Variants in SLC2A9 observed in about 807,000 individuals in gnomAD.
SLC2A9 encodes the protein solute carrier family 2, facilitated glucose transporter member 9.
Under a neutral mutation model 50.6 loss-of-function variants are expected in SLC2A9, and 39 were observed. The observed-to-expected ratio is 0.77, with a 90% CI of 0.60 to 1.01. SLC2A9 has a LOEUF of 1.01. Among genes scored for constraint, SLC2A9 ranks in the 50% least tolerant of loss-of-function variants. The pLI, the probability that SLC2A9 is intolerant of heterozygous loss-of-function variation, is 0.00. For missense variants in SLC2A9, 686 were observed against 677.6 expected (o/e 1.01, Z -0.14); for synonymous variants, 324 against 276.9 (o/e 1.17, Z -1.69).
At chr4:9,917,399 C>A (rs1743073267) in intron 7 of SLC2A9, among the ~76,000 whole-genome samples, 1 of 116,628 alleles carries the variant, frequency 8.6e-6, no homozygotes, top group Non-Finnish European at 1.6e-5. Context: ...GTGGTGCGAT[C>A]TTGGCTCACT....
At chr4:9,835,772 G>A (rs1051190214) in intron 10 of SLC2A9, among the ~76,000 whole-genome samples, 11 of 152,228 alleles carry the variant, frequency 7.2e-5, no homozygotes, top group South Asian at 6.2e-4. Context: ...GCTAAGCTAC[G>A]AGGATGCAAA....
At chr4:9,917,646 T>C (rs1239913060) in intron 7 of SLC2A9, among the ~76,000 whole-genome samples, 1 of 152,162 alleles carries the variant, frequency 6.6e-6, no homozygotes, top group Non-Finnish European at 1.5e-5. Context: ...TTGAGTGACT[T>C]CTAAAGTACG....
chr4:9,906,906 C>A (rs1356545374), intron 8 of SLC2A9, among the ~76,000 whole-genome samples: 1 of 152,332 alleles, frequency 6.6e-6, no homozygotes, highest in East Asian at 1.9e-4. Flanking sequence ...AAAAAGACCA[C>A]AAAGTGGAAA....
intron 8 of SLC2A9, among the ~76,000 whole-genome samples, chr4:9,902,952 G>C (rs1440195915): frequency 6.6e-6 from 1 of 152,164 alleles, no homozygotes; most frequent in African/African-American, 2.4e-5. Flanking sequence ...GTGAATTACA[G>C]TATGATTCCC....
intron 3 of SLC2A9, among the ~76,000 whole-genome samples, chr4:9,793,676 CT>C (rs1317721452): frequency 6.6e-6 from 1 of 152,110 alleles, no homozygotes; most frequent in Non-Finnish European, 1.5e-5. Flanking sequence ...TTTCAAAGGC[CT>C]GTTTTTTGTT....
chr4:9,954,152 G>A (rs4306953), intron 5 of SLC2A9, among the ~76,000 whole-genome samples: 73,280 of 151,872 alleles, frequency 0.48, 19,044 homozygotes, highest in African/African-American at 0.67. Context: ...TGCCCAGGCC[G>A]GTCTCAAACT....
Position 9,814,055 on chromosome 4 carries a change from G to A in SLC2A9, n.420+12365C>T, listed in dbSNP as rs544281403. On this transcript the variant is annotated intron_variant and non_coding_transcript_variant, in intron 3 of 3. Transcript: ENST00000503280. ...CTTGGGAGGCTGAGGCAGGAGAATC[G>A]CTTGAACCTGAGAGGCGGAGGTTGC... Among the ~76,000 whole-genome samples the A allele has an allele frequency of 6.6e-5, 10 of 152,290 alleles. No individual in the cohort carries two copies. In the South Asian group the frequency reaches 1.7e-3, roughly 25 times the overall value.
intron 4 of SLC2A9, among the ~76,000 whole-genome samples, chr4:9,982,683 C>T (rs540371233): frequency 1.3e-5 from 2 of 152,328 alleles, no homozygotes; most frequent in South Asian, 4.1e-4. Flanking sequence ...ACTGCAACCT[C>T]ATCCAGGCTT....
At chr4:9,881,130 G>A (rs1040305965) in intron 10 of SLC2A9, among the ~76,000 whole-genome samples, 4 of 152,174 alleles carry the variant, frequency 2.6e-5, no homozygotes, top group Non-Finnish European at 4.4e-5. Context: ...GTTTGCTTTG[G>A]TTTTCTTTCT....
chr4:9,888,641 T>C (rs1420822000), intron 9 of SLC2A9, among the ~76,000 whole-genome samples: 1 of 151,776 alleles, frequency 6.6e-6, no homozygotes, highest in East Asian at 1.9e-4. Flanking sequence ...CTCTGTAGGC[T>C]GAGCCAGAGT....
intron 5 of SLC2A9, among the ~76,000 whole-genome samples, chr4:9,951,995 C>T (rs974804957): frequency 6.6e-6 from 1 of 152,212 alleles, no homozygotes; most frequent in African/African-American, 2.4e-5. Context: ...CATAAGACTC[C>T]CAATGCCACA....
chr4:9,830,617 A>T (rs1421476271), intron 11 of SLC2A9, among the ~76,000 whole-genome samples: 1 of 152,218 alleles, frequency 6.6e-6, no homozygotes, highest in African/African-American at 2.4e-5. Context: ...AATATTCTTC[A>T]GGTTGAAAAG....
chr4:9,962,168 A>G (rs1752365900), intron 5 of SLC2A9, among the ~76,000 whole-genome samples: 1 of 152,246 alleles, frequency 6.6e-6, no homozygotes, highest in African/African-American at 2.4e-5. Context: ...GCAATTCCTC[A>G]AAGACCTAGA....
chr4:9,867,050 C>T (rs767195364), intron 10 of SLC2A9, among the ~76,000 whole-genome samples: 6 of 152,182 alleles, frequency 3.9e-5, no homozygotes, highest in South Asian at 2.1e-4. Context: ...TTTTTGTCAG[C>T]GTGAATCTTG....
chr4:9,989,841 C>T (rs1757380908), intron 3 of SLC2A9, among the ~76,000 whole-genome samples: 1 of 152,004 alleles, frequency 6.6e-6, no homozygotes, highest in Non-Finnish European at 1.5e-5. Context: ...AGTGGAGCCT[C>T]TTCTTGCCCC....
chr4:9,840,459 T>A (rs942838469), intron 10 of SLC2A9, among the ~76,000 whole-genome samples: 12 of 152,222 alleles, frequency 7.9e-5, no homozygotes, highest in Non-Finnish European at 1.8e-4. Flanking sequence ...AAAATAGTTT[T>A]ATTGTTTTTT....
intron 6 of SLC2A9, among the ~76,000 whole-genome samples, chr4:9,939,217 AG>A (rs1266347074): frequency 6.6e-6 from 1 of 152,186 alleles, no homozygotes; most frequent in African/African-American, 2.4e-5. Flanking sequence ...TAGGTCAGCC[AG>A]GTGACCAACA....
intron 7 of SLC2A9, among the ~76,000 whole-genome samples, chr4:9,911,786 G>T (rs952062037): frequency 1.3e-5 from 2 of 152,226 alleles, no homozygotes; most frequent in Non-Finnish European, 2.9e-5. Context: ...GACAGCACCT[G>T]TTATAATTGG....
chr4:9,954,967 G>T (rs1302780775), intron 5 of SLC2A9, among the ~76,000 whole-genome samples: 1 of 152,196 alleles, frequency 6.6e-6, no homozygotes, highest in East Asian at 1.9e-4. Context: ...GTGGGCTCAA[G>T]CATATGCACG....
Sources: allele counts gnomAD v4.1 joint callset (sites outside exome capture counted in the v4.1 genomes callset), GRCh38; gene constraint gnomAD v4.1.1; transcripts MANE v1.5; gene names NCBI Gene and HGNC (gene_info 2026-07-23, HGNC 2026-07-21).